HAUS5: variants seen among roughly 807,000 people sequenced by gnomAD.
The protein encoded by HAUS5 is HAUS augmin-like complex subunit 5.
Under a neutral mutation model 94.1 loss-of-function variants are expected in HAUS5, and 67 were observed. The ratio of observed to expected loss-of-function variants is 0.71; its 90% CI spans 0.58 to 0.87. HAUS5 has a LOEUF of 0.87. Ranked by LOEUF, HAUS5 falls within the 40% of genes least tolerant of loss-of-function variation. The probability of loss-of-function intolerance (pLI) is 0.00; values close to 1 mark genes in which losing one functional copy is unlikely to be tolerated. For synonymous variants in HAUS5, 339 were observed against 355.4 expected (o/e 0.95, Z 0.52); for missense variants, 739 against 825.6 (o/e 0.90, Z 1.29).
chr19:35,613,534 A>C (rs1413169330), intron 1 of HAUS5, 196 bp from the exon 2 acceptor site: 3 of 587,152 alleles, frequency 5.1e-6, no homozygotes, highest in Non-Finnish European at 9.0e-6. Context: ...GCAAGGAGCT[A>C]TGATCGTACC....
At position 35,618,702 on chromosome 19, in the gene HAUS5, G is replaced by A. The variant is rs1421796919; in HGVS notation, c.1016+3G>A. The A allele has an allele frequency of 1.9e-6, 3 of 1,580,150 alleles. No homozygotes were observed. The highest frequency in any genetic ancestry group is 1.7e-6 in the Non-Finnish European group (2 of 1,160,888). On this transcript the variant is annotated splice_donor_region_variant and intron_variant, in intron 12 of 18. Coordinates refer to ENST00000203166, the MANE Select transcript of HAUS5 (RefSeq NM_015302.2). ...CGCGTCCTGGGATCCAGTGAGAGGT[G>A]GGGGGCTCTCCGAGAAGAGGTCTCT...
chr19:35,617,163 G>T lies in HAUS5; in HGVS notation c.525G>T (p.Ser175=), dbSNP rs746058739. 4.3e-6 allele frequency: 7 copies of T among 1,613,892 alleles called. No homozygotes were observed. In the African/African-American group the frequency reaches 9.3e-5, roughly 22 times the overall value. ...KVDVTFGSLT[S]AALGLEPVVL... ...ATGTGACCTTTGGATCCCTCACGTC[G>T]GCAGCTCTGGGCCTGGAGCCCGTGG... Residue 175 remains serine, a synonymous_variant, in exon 7 of 19, where the codon TCG becomes TCT. Transcript: ENST00000203166.
intron 12 of HAUS5, 43 bp from the exon 13 acceptor site, chr19:35,618,844 C>G (rs1268679465): frequency 6.4e-7 from 1 of 1,556,874 alleles, no homozygotes. Context: ...TTGTGTGGCT[C>G]AGTCACCCTT....
intron 13 of HAUS5, 95 bp from the exon 14 acceptor site, chr19:35,619,329 G>A (rs1485445370): frequency 9.8e-7 from 1 of 1,018,244 alleles, no homozygotes; most frequent in African/African-American, 1.6e-5. Flanking sequence ...CAAGAGCCCA[G>A]GTGAGACTCC....
At chr19:35,617,753 C>G (rs1862194476) in intron 8 of HAUS5, 102 bp from the exon 9 acceptor site, 2 of 987,314 alleles carry the variant, frequency 2.0e-6, no homozygotes, top group Non-Finnish European at 3.2e-6. Context: ...GTCTAACAGG[C>G]ATAGGGAAGA....
chr19:35,619,775 C>T lies in HAUS5; in HGVS notation c.1406+17C>T. 2.0e-6 allele frequency: 3 copies of T among 1,524,898 alleles called. No individual in the cohort carries two copies. The highest frequency in any genetic ancestry group is 2.6e-6 in the Non-Finnish European group (3 of 1,134,282). The allele number at this position is 1,524,898 out of a possible 1,614,324, so 94.5% of individuals were successfully genotyped here. On this transcript the variant is annotated intron_variant, in intron 15 of 18. Coordinates refer to ENST00000203166, the MANE Select transcript of HAUS5 (RefSeq NM_015302.2). Reference sequence around the variant, plus strand: ...GCCGGGAGAGTGAGACTGGGGCTGCCCCACCCCTGCCCTGCATCCCCTGCC... The same window carrying T: ...GCCGGGAGAGTGAGACTGGGGCTGCTCCACCCCTGCCCTGCATCCCCTGCC...
In HAUS5 at chr19:35,625,073, G is replaced by C. The variant is rs1294534955; in HGVS notation, c.*2080G>C. 6.6e-6 allele frequency: 1 copy of C among 151,982 alleles called. No homozygotes were observed. The highest frequency in any genetic ancestry group is 1.5e-5 in the Non-Finnish European group (1 of 68,004). The allele number at this position is 151,982 out of a possible 1,614,324, so 9.4% of individuals were successfully genotyped here. On this transcript the variant is annotated 3_prime_UTR_variant, in exon 19 of 19. Coordinates refer to ENST00000203166, the MANE Select transcript of HAUS5 (RefSeq NM_015302.2). Reference sequence around the variant, plus strand: ...CAGTTCCCAGCCCCCACCTTCAACTGAACTCAACAAAATCTTCAACTTCAT... The same window carrying C: ...CAGTTCCCAGCCCCCACCTTCAACTCAACTCAACAAAATCTTCAACTTCAT...
intron 8 of HAUS5, 55 bp from the exon 9 acceptor site, chr19:35,617,800 A>C: frequency 1.4e-6 from 2 of 1,455,994 alleles, no homozygotes; most frequent in South Asian, 1.1e-5. Flanking sequence ...GGTGATAACT[A>C]GAGGATAATT....
chr19:35,616,716 C>T (rs951009039), intron 6 of HAUS5, among the ~76,000 whole-genome samples: 1 of 152,130 alleles, frequency 6.6e-6, no homozygotes, highest in Non-Finnish European at 1.5e-5. Flanking sequence ...CGGGGTTTCA[C>T]CATGTTGTCC....
At chr19:35,614,908 T>A in intron 4 of HAUS5, 134 bp from the exon 5 acceptor site, 1 of 631,514 alleles carries the variant, frequency 1.6e-6, no homozygotes. Context: ...GCCAATACCC[T>A]AATGCTTCTG....
intron 1 of HAUS5, among the ~76,000 whole-genome samples, chr19:35,613,372 G>C (rs1294251774): frequency 6.6e-6 from 1 of 152,002 alleles, no homozygotes; most frequent in Non-Finnish European, 1.5e-5. Context: ...GCCTTCCCAG[G>C]GAATGAGAAT....
intron 11 of HAUS5, 22 bp downstream of exon 11, chr19:35,618,487 CCA>C: frequency 6.2e-7 from 1 of 1,614,108 alleles, no homozygotes; most frequent in Non-Finnish European, 8.5e-7. Flanking sequence ...GCTCGCCTCC[CCA>C]CCACATTCCA....
chr19:35,619,584 G>GCCCCCCCCCCCCCCCCCCCACC, intron 14 of HAUS5, 29 bp from the exon 15 acceptor site: 2 of 1,533,872 alleles, frequency 1.3e-6, no homozygotes, highest in East Asian at 2.3e-5. Context: ...ATGTTGTGAT[G>GCCCCCCCCCCCCCCCCCCCACC]CCCCACCCAC....
In HAUS5 at chr19:35,623,015, C is replaced by G; in HGVS notation, c.*22C>G. ...CTGAAGAGAGGGTTCAAACGGAAGC[C>G]GAGAACTTGACACTGTTCACCCCAA... On this transcript the variant is annotated 3_prime_UTR_variant, in exon 19 of 19. Transcript: ENST00000203166. 1 of 1,499,094 alleles carries G rather than the reference C, an allele frequency of 6.7e-7. No individual in the cohort carries two copies. Among genetic ancestry groups the G allele is most frequent in the Non-Finnish European group, 9.2e-7 (1 of 1,082,266 alleles). The allele number at this position is 1,499,094 out of a possible 1,614,324, so 92.9% of individuals were successfully genotyped here.
chr19:35,616,608 C>G (rs902449469), intron 6 of HAUS5, among the ~76,000 whole-genome samples: 1 of 152,134 alleles, frequency 6.6e-6, no homozygotes, highest in Non-Finnish European at 1.5e-5. Flanking sequence ...ACCTCTGCCT[C>G]TGGGGTTCAA....
chr19:35,619,401 C>A, intron 13 of HAUS5, 23 bp from the exon 14 acceptor site: 1 of 1,554,524 alleles, frequency 6.4e-7, no homozygotes, highest in South Asian at 1.2e-5. Context: ...AGGAGTGGGT[C>A]TCAGGGTATC....
rs749603972 is a variant in HAUS5 at position 35,615,022 on chromosome 19, C to G, written c.220-20C>G. On this transcript the variant is annotated intron_variant, in intron 4 of 18. Coordinates refer to ENST00000203166, the MANE Select transcript of HAUS5 (RefSeq NM_015302.2). ...CTGAGCCCCGATCAGACCATCTGAC[C>G]CTGAATCTGATCCTCCCAGGTCCGT... The G allele has an allele frequency of 1.9e-6, 3 of 1,555,286 alleles. No individual in the cohort carries two copies. In the African/African-American group the frequency reaches 4.1e-5, roughly 21 times the overall value.
In HAUS5 at chr19:35,623,175, C is replaced by T. The variant is rs533408559; in HGVS notation, c.*182C>T. 3.4e-5 allele frequency: 20 copies of T among 591,030 alleles called. No homozygotes were observed. The highest frequency in any genetic ancestry group is 1.7e-4 in the East Asian group (6 of 35,284). 36.6% of individuals were successfully genotyped at this position (591,030 alleles called of 1,614,324 possible). A position where few individuals can be genotyped will look rare whatever the true frequency, so the allele number is the denominator to read the frequency against. ...GCTCCTGGACCCTGTCCTTTCATCC[C>T]GCTAAAGCACCCCCTAAAACCCCTT... On this transcript the variant is annotated 3_prime_UTR_variant, in exon 19 of 19. Transcript: ENST00000203166.
At chr19:35,613,335 C>A (rs910863618) in intron 1 of HAUS5, among the ~76,000 whole-genome samples, 66 of 152,186 alleles carry the variant, frequency 4.3e-4, no homozygotes, top group African/African-American at 1.4e-3. Context: ...AGGGAGCACC[C>A]GCCTCTCCCG....
Sources: gnomAD v4.1 joint callset for allele counts (sites outside exome capture counted in the v4.1 genomes callset) on GRCh38, gnomAD v4.1.1 for gene constraint, MANE v1.5 for transcripts, NCBI Gene and HGNC (gene_info 2026-07-23, HGNC 2026-07-21) for gene names.